Variants in F13A1 observed in about 807,000 individuals in gnomAD.
F13A1 encodes the protein FSF, A subunit.
F13A1 carries 47 observed loss-of-function variants against 80.1 expected under a neutral mutation model. That is an observed-to-expected ratio of 0.59 (90% CI 0.46 to 0.75). The LOEUF is 0.75. Ranked by LOEUF, F13A1 falls within the 30% of genes least tolerant of loss-of-function variation. F13A1 has a pLI of 0.00. For synonymous variants in F13A1, 349 were observed against 344.9 expected (o/e 1.01, Z -0.13); for missense variants, 817 against 930.4 (o/e 0.88, Z 1.59).
intron 6 of F13A1, among the ~76,000 whole-genome samples, chr6:6,242,826 C>A (rs189979313): frequency 6.6e-6 from 1 of 152,178 alleles, no homozygotes; most frequent in Non-Finnish European, 1.5e-5. Context: ...GGACCTCAGA[C>A]ATTCTTCTAT....
At chr6:6,310,825 G>A (rs535650379) in intron 2 of F13A1, among the ~76,000 whole-genome samples, 25 of 152,240 alleles carry the variant, frequency 1.6e-4, no homozygotes, top group East Asian at 5.8e-4. Context: ...AAGTAGTCAG[G>A]TATCTGAGAA....
chr6:6,247,416 C>T (rs562749556), intron 6 of F13A1, among the ~76,000 whole-genome samples: 1 of 152,178 alleles, frequency 6.6e-6, no homozygotes, highest in South Asian at 2.1e-4. Context: ...TTTAACATTT[C>T]TTCAGAAATA....
At chr6:6,299,056 T>G (rs1005244218) in intron 3 of F13A1, among the ~76,000 whole-genome samples, 2 of 146,756 alleles carry the variant, frequency 1.4e-5, no homozygotes, top group African/African-American at 5.4e-5. Context: ...TTCTTTTCTT[T>G]AAGAATGTTG....
At chr6:6,225,500 TTC>T (rs149464781) in intron 6 of F13A1, among the ~76,000 whole-genome samples, 22 of 145,828 alleles carry the variant, frequency 1.5e-4, no homozygotes, top group Admixed American at 8.0e-4. Flanking sequence ...TTCTTTTCTT[TTC>T]TCTCTCTCTC....
chr6:6,147,851 AT>A (rs1161536585), intron 14 of F13A1, among the ~76,000 whole-genome samples: 1 of 152,236 alleles, frequency 6.6e-6, no homozygotes, highest in Non-Finnish European at 1.5e-5. Context: ...AGAAAAAAGT[AT>A]TTTGATAAGT....
intron 3 of F13A1, among the ~76,000 whole-genome samples, chr6:6,273,977 A>C (rs1487849224): frequency 5.3e-5 from 8 of 152,258 alleles, no homozygotes; most frequent in African/African-American, 1.7e-4. Flanking sequence ...ACAAGTATTC[A>C]AAAGCAAATC....
intron 12 of F13A1, chr6:6,169,301 C>T (rs1483746130): frequency 1.3e-5 from 2 of 153,142 alleles, no homozygotes; most frequent in Middle Eastern, 9.0e-4. Context: ...GTTCCTCCTG[C>T]GGTCTGCACA....
intron 6 of F13A1, among the ~76,000 whole-genome samples, chr6:6,234,952 G>A (rs1394007537): frequency 6.6e-6 from 1 of 151,918 alleles, no homozygotes; most frequent in Admixed American, 6.6e-5. Context: ...ACAGATCAAT[G>A]TGACACAATA....
intron 14 of F13A1, among the ~76,000 whole-genome samples, chr6:6,149,115 A>G (rs1760330655): frequency 6.6e-6 from 1 of 152,190 alleles, no homozygotes; most frequent in Admixed American, 6.5e-5. Flanking sequence ...AGTGACAATT[A>G]AATAGGAGGA....
chr6:6,147,944 G>A (rs1760314111), intron 14 of F13A1, among the ~76,000 whole-genome samples: 1 of 152,204 alleles, frequency 6.6e-6, no homozygotes, highest in African/African-American at 2.4e-5. Flanking sequence ...GCCATCAGGA[G>A]ATACCGGCCA....
intron 8 of F13A1, among the ~76,000 whole-genome samples, 200 bp downstream of exon 8, chr6:6,221,833 A>G (rs1179572278): frequency 1.3e-5 from 2 of 152,212 alleles, no homozygotes; most frequent in Non-Finnish European, 2.9e-5. Context: ...ATTGATTTTT[A>G]TCACTAGGAA....
Position 6,316,787 on chromosome 6 carries a change from C to T in F13A1, c.130+1748G>A, listed in dbSNP as rs147520769. On this transcript the variant is annotated intron_variant, in intron 2 of 14. Transcript: ENST00000264870. ...GATCACAGACACTGCTCACTAGATG[C>T]TCACGACAATCTGTGAAGTAGGCAT... Among the ~76,000 whole-genome samples the T allele has an allele frequency of 3.4e-3, 515 of 152,298 alleles. 4 individuals are homozygous for T. The highest frequency in any genetic ancestry group is 0.012 in the African/African-American group (482 of 41,578).
At chr6:6,293,004 TGGGGTG>T (rs2113159838) in intron 3 of F13A1, among the ~76,000 whole-genome samples, 1 of 152,136 alleles carries the variant, frequency 6.6e-6, no homozygotes, top group East Asian at 1.9e-4. Flanking sequence ...TCCTGATAAG[TGGGGTG>T]GGGCATGCTA....
intron 3 of F13A1, among the ~76,000 whole-genome samples, chr6:6,280,990 C>T (rs1758052943): frequency 6.6e-6 from 1 of 152,094 alleles, no homozygotes; most frequent in African/African-American, 2.4e-5. Context: ...CTGGAGAATC[C>T]TCACTTTGGG....
At chr6:6,153,003 A>C (rs1482838109) in intron 13 of F13A1, among the ~76,000 whole-genome samples, 2 of 152,386 alleles carry the variant, frequency 1.3e-5, no homozygotes, top group East Asian at 3.9e-4. Context: ...GGCCCAATGC[A>C]TTACAGTTGA....
chr6:6,257,959 T>A (rs921802327), intron 4 of F13A1, among the ~76,000 whole-genome samples: 1 of 152,208 alleles, frequency 6.6e-6, no homozygotes, highest in Non-Finnish European at 1.5e-5. Flanking sequence ...TGCTTTAATT[T>A]TTTTTCCCAG....
chr6:6,181,962 A>G (rs2151077205), intron 11 of F13A1, 26 bp downstream of exon 11: 1 of 1,613,680 alleles, frequency 6.2e-7, no homozygotes, highest in South Asian at 1.1e-5. Context: ...GGGCAAATAA[A>G]TCTTCATTCA....
At chr6:6,147,255 C>A (rs1402629603) in intron 14 of F13A1, among the ~76,000 whole-genome samples, 1 of 152,126 alleles carries the variant, frequency 6.6e-6, no homozygotes, top group East Asian at 1.9e-4. Context: ...CACCAAAGAA[C>A]TTATTCATGT....
chr6:6,306,171 G>C (rs1352681085), intron 2 of F13A1, among the ~76,000 whole-genome samples: 1 of 152,182 alleles, frequency 6.6e-6, no homozygotes, highest in East Asian at 1.9e-4. Context: ...ATTTCCATGA[G>C]ATAAGTGTGA....
Sources: gnomAD v4.1 joint callset for allele counts (sites outside exome capture counted in the v4.1 genomes callset) on GRCh38, gnomAD v4.1.1 for gene constraint, MANE v1.5 for transcripts, NCBI Gene and HGNC (gene_info 2026-07-23, HGNC 2026-07-21) for gene names.